MEPE: variants seen among roughly 807,000 people sequenced by gnomAD.
MEPE encodes matrix extracellular phosphoglycoprotein.
In MEPE, 7 loss-of-function variants were observed where a neutral mutation model predicts 7.3. That is an observed-to-expected ratio of 0.95 (90% CI 0.54 to 1.79). MEPE has a LOEUF of 1.79. MEPE is among the 40% of genes most tolerant of loss of function. The pLI, the probability that MEPE is intolerant of heterozygous loss-of-function variation, is 0.00. For missense variants in MEPE, 623 were observed against 628.2 expected, an observed-to-expected ratio of 0.99 and a Z score of 0.09; for synonymous variants, 214 against 213.1, an observed-to-expected ratio of 1.00 and a Z score of -0.04.
chr4:87,830,765 G>A (rs1722576763), upstream of MEPE, among the ~76,000 whole-genome samples: 1 of 151,534 alleles, frequency 6.6e-6, no homozygotes, highest in South Asian at 2.1e-4. Flanking sequence ...TGAGGTGAGG[G>A]AGAGGAGGAA....
intron 2 of MEPE, among the ~76,000 whole-genome samples, chr4:87,837,167 G>T (rs550429949): frequency 4.7e-4 from 71 of 152,228 alleles, no homozygotes; most frequent in African/African-American, 1.6e-3. Context: ...GCCAACCAGG[G>T]GTGGTGAGAC....
At chr4:87,833,611 T>C (rs1293454760) in intron 1 of MEPE, among the ~76,000 whole-genome samples, 2 of 152,200 alleles carry the variant, frequency 1.3e-5, no homozygotes, top group Admixed American at 1.3e-4. Flanking sequence ...AAAAACAAGT[T>C]TTTCTTCAAG....
Position 87,846,513 on chromosome 4 carries a change from G to A in MEPE, c.*67G>A. On this transcript the variant is annotated 3_prime_UTR_variant, in exon 4 of 4. Transcript: ENST00000361056. ...GTCACCTGTGAGTTGATGTAGAGGA[G>A]AGCCACCTGACAGCTGACCAGGTGA... 1.3e-6 allele frequency: 2 copies of A among 1,512,852 alleles called. No homozygotes were observed. The highest frequency in any genetic ancestry group is 2.3e-5 in the East Asian group (1 of 44,278). 93.7% of individuals were successfully genotyped at this position (1,512,852 alleles called of 1,614,324 possible).
At chr4:87,822,917 C>A (rs1722371119) in intron 1 of MEPE, among the ~76,000 whole-genome samples, 1 of 152,212 alleles carries the variant, frequency 6.6e-6, no homozygotes, top group South Asian at 2.1e-4. Context: ...GGTTGTACTG[C>A]AGTCAATTCT....
At chr4:87,830,826 A>T (rs1722578932), upstream of MEPE, among the ~76,000 whole-genome samples, 1 of 145,100 alleles carries the variant, frequency 6.9e-6, no homozygotes, top group South Asian at 2.2e-4. Flanking sequence ...GATATGATAA[A>T]AAAAAAAAAA....
At position 87,846,249 on chromosome 4, in the gene MEPE, A is replaced by C. The variant is rs770123763; in HGVS notation, c.1381A>C (p.Asn461His). Residue 461 changes from asparagine to histidine, a missense_variant, in exon 4 of 4, where the codon AAT (asparagine) becomes CAT (histidine). Coordinates refer to ENST00000361056, the MANE Select transcript of MEPE (RefSeq NM_020203.6). The part of the protein sequence containing the change: ...MDSFNGPSHE[N>H]IITHGRKYHY... Reference sequence around the variant, plus strand: ...TTCCTTTAATGGCCCCAGTCATGAGAATATAATAACACATGGCAGAAAATA... The same window carrying C: ...TTCCTTTAATGGCCCCAGTCATGAGCATATAATAACACATGGCAGAAAATA... 1 of 1,614,112 alleles carries C rather than the reference A, an allele frequency of 6.2e-7. No homozygotes were observed.
chr4:87,839,624 A>G, intron 3 of MEPE: 1 of 1,181,888 alleles, frequency 8.5e-7, no homozygotes. Context: ...TATTACAAAG[A>G]GCCCAAAAAC....
intron 2 of MEPE, among the ~76,000 whole-genome samples, chr4:87,835,801 T>C (rs1722765372): frequency 6.6e-6 from 1 of 152,068 alleles, no homozygotes; most frequent in Non-Finnish European, 1.5e-5. Flanking sequence ...GGTGGAAAAA[T>C]GAGTCTTGCT....
intron 1 of MEPE, among the ~76,000 whole-genome samples, chr4:87,822,313 T>C (rs939584947): frequency 6.6e-6 from 1 of 152,120 alleles, no homozygotes; most frequent in Non-Finnish European, 1.5e-5. Flanking sequence ...TTGAGTAACT[T>C]GGATAATTGG....
chr4:87,844,026 C>G (rs1213205345), intron 3 of MEPE, among the ~76,000 whole-genome samples: 1 of 152,142 alleles, frequency 6.6e-6, no homozygotes, highest in Non-Finnish European at 1.5e-5. Context: ...AGTGACTCAG[C>G]CTCTCTTAGC....
chr4:87,821,437 A>C (rs768295061), exon 1 of MEPE: 5 of 152,192 alleles, frequency 3.3e-5, no homozygotes, highest in Non-Finnish European at 5.9e-5. Context: ...GCCTGCCGGC[A>C]GCTATCCACA....
At chr4:87,844,952 C>A in intron 3 of MEPE, 25 bp from the exon 4 acceptor site, 1 of 1,473,884 alleles carries the variant, frequency 6.8e-7, no homozygotes, top group Non-Finnish European at 9.1e-7. Context: ...AAAATAATCA[C>A]TTCATATTGA....
intron 1 of MEPE, among the ~76,000 whole-genome samples, chr4:87,826,110 CT>C (rs1336489209): frequency 6.6e-6 from 1 of 151,944 alleles, no homozygotes; most frequent in Non-Finnish European, 1.5e-5. Context: ...ATATCATTTT[CT>C]TTATCCAGTA....
chr4:87,824,618 C>A (rs559357913), intron 1 of MEPE, among the ~76,000 whole-genome samples: 2 of 152,218 alleles, frequency 1.3e-5, no homozygotes, highest in Admixed American at 6.5e-5. Flanking sequence ...GTTCACTGAT[C>A]CCCTTTTAGA....
intron 3 of MEPE, chr4:87,840,133 A>G: frequency 6.8e-7 from 1 of 1,460,594 alleles, no homozygotes; most frequent in Non-Finnish European, 9.1e-7. Flanking sequence ...ATATTCTACC[A>G]TATGCTCTGA....
chr4:87,845,824 C>T lies in MEPE; in HGVS notation c.956C>T (p.Thr319Ile), dbSNP rs751648979. ...GAAAATGGTGGAAATACCATTGGAA[C>T]TAGGGATGAAACTGCGAAAGAGGCA... ...REENGGNTIGTRDETAKEADA... is the reference protein window; with the variant it reads ...REENGGNTIGIRDETAKEADA... Residue 319 changes from threonine (T) to isoleucine (I), a missense_variant, in exon 4 of 4, where the codon ACT becomes ATT. Physicochemically the swap from Thr to Ile is moderately conservative, Grantham distance 89. Coordinates refer to ENST00000361056, the MANE Select transcript of MEPE (RefSeq NM_020203.6). 6.2e-7 allele frequency: 1 copy of T among 1,613,844 alleles called. No homozygotes were observed. The highest frequency in any genetic ancestry group is 1.3e-5 in the African/African-American group (1 of 74,880).
intron 2 of MEPE, 149 bp downstream of exon 2, chr4:87,834,917 T>C (rs1182423010): frequency 3.3e-6 from 2 of 603,128 alleles, no homozygotes; most frequent in Non-Finnish European, 5.7e-6. Flanking sequence ...ATCTAGCACT[T>C]AACACTCTTA....
rs1560536986 is a variant in MEPE at position 87,834,774 on chromosome 4, T to C, written c.54+6T>C. The C allele has an allele frequency of 6.2e-7, 1 of 1,607,302 alleles. No individual in the cohort carries two copies. The highest frequency in any genetic ancestry group is 2.2e-5 in the East Asian group (1 of 44,822). ...GTGTGACCTGGGCAGCACCAGTAAG[T>C]ATTTACAAATTCAATTATATTTCAG... On this transcript the variant is annotated splice_donor_region_variant and intron_variant, in intron 2 of 3. Coordinates refer to ENST00000361056, the MANE Select transcript of MEPE (RefSeq NM_020203.6).
upstream of MEPE, among the ~76,000 whole-genome samples, chr4:87,832,313 C>G (rs186472685): frequency 2.6e-5 from 4 of 152,248 alleles, no homozygotes; most frequent in Admixed American, 1.3e-4. Flanking sequence ...GGTCTTTACT[C>G]AAAAGTTGCC....
Sources: allele counts gnomAD v4.1 joint callset (sites outside exome capture counted in the v4.1 genomes callset), GRCh38; gene constraint gnomAD v4.1.1; transcripts MANE v1.5; gene names NCBI Gene and HGNC (gene_info 2026-07-23, HGNC 2026-07-21).